Variants in ECSIT observed in about 807,000 individuals in gnomAD.
The protein encoded by ECSIT is ECSIT signaling integrator, also known as evolutionarily conserved signaling intermediate in Toll pathway, mitochondrial.
ECSIT carries 29 observed loss-of-function variants against 36.8 expected under a neutral mutation model. That is an observed-to-expected ratio of 0.79 (90% CI 0.59 to 1.08). The LOEUF (loss-of-function observed/expected upper bound fraction) is 1.08, where lower values mean the gene tolerates loss of function less well. ECSIT is among the 50% of genes least tolerant of loss of function. The pLI, the probability that ECSIT is intolerant of heterozygous loss-of-function variation, is 0.00. For missense variants in ECSIT, 542 were observed against 581.0 expected (o/e 0.93, Z 0.69); for synonymous variants, 231 against 234.8 (o/e 0.98, Z 0.15).
At chr19:11,507,140 G>A (rs901290994) in intron 7 of ECSIT, among the ~76,000 whole-genome samples, 7 of 152,160 alleles carry the variant, frequency 4.6e-5, no homozygotes, top group African/African-American at 1.7e-4. Context: ...GAGCCCCTGG[G>A]GCAAATGAGT....
Position 11,519,252 on chromosome 19 carries a change from G to C in ECSIT, c.-23-59C>G. On this transcript the variant is annotated intron_variant, in intron 1 of 7. Coordinates refer to ENST00000270517, the MANE Select transcript of ECSIT (RefSeq NM_016581.5). The surrounding 1 kb of genome is among the most constrained non-coding windows in gnomAD (Gnocchi z 4.4). ...ACCTTACAGATGCTAACAGACGCAA[G>C]GGCCCCGCAGGGTCGAGGGCACACT... 1 of 1,155,386 alleles carries C rather than the reference G, an allele frequency of 8.7e-7. No homozygotes were observed. Among genetic ancestry groups the C allele is most frequent in the Non-Finnish European group, 1.3e-6 (1 of 798,130 alleles). The allele number at this position is 1,155,386 out of a possible 1,614,324, so 71.6% of individuals were successfully genotyped here.
intron 1 of ECSIT, among the ~76,000 whole-genome samples, chr19:11,528,507 AT>A (rs1181244486): frequency 1.3e-5 from 2 of 152,208 alleles, no homozygotes; most frequent in African/African-American, 4.8e-5. Context: ...CCATTAACGC[AT>A]TTTTAGTAAC....
At chr19:11,522,512 AC>A in intron 1 of ECSIT, 1 of 951,066 alleles carries the variant, frequency 1.1e-6, no homozygotes, top group Non-Finnish European at 1.6e-6. Flanking sequence ...TAGGGCCCTC[AC>A]CCAGGTGTGC....
chr19:11,507,595 G>C (rs751883069), intron 6 of ECSIT, 33 bp from the exon 7 acceptor site: 4 of 1,613,652 alleles, frequency 2.5e-6, no homozygotes, highest in Non-Finnish European at 3.4e-6. Context: ...GGCGGGGTCA[G>C]AGGCCAGGGC....
At chr19:11,510,940 C>T (rs563889788) in intron 4 of ECSIT, among the ~76,000 whole-genome samples, 1 of 152,010 alleles carries the variant, frequency 6.6e-6, no homozygotes, top group East Asian at 1.9e-4. Context: ...ATCTCTGCCC[C>T]CCCACCCCCG....
At position 11,505,979 on chromosome 19, in the gene ECSIT, C is replaced by A; in HGVS notation, c.*205G>T. ...CCCTTTTTATTTGAATTCGGAGAAC[C>A]AGAGGCGCCTGCAGATTCTGGAGGG... On this transcript the variant is annotated 3_prime_UTR_variant, in exon 8 of 8. Coordinates refer to ENST00000270517, the MANE Select transcript of ECSIT (RefSeq NM_016581.5). 1 of 983,596 alleles carries A rather than the reference C, an allele frequency of 1.0e-6. No individual in the cohort carries two copies. Among genetic ancestry groups the A allele is most frequent in the Non-Finnish European group, 1.5e-6 (1 of 680,372 alleles). The allele number at this position is 983,596 out of a possible 1,614,324, so 60.9% of individuals were successfully genotyped here.
At chr19:11,512,035 A>G (rs570643014) in intron 4 of ECSIT, among the ~76,000 whole-genome samples, 1 of 150,120 alleles carries the variant, frequency 6.7e-6, no homozygotes, top group East Asian at 1.9e-4. Flanking sequence ...CATCTCAAAA[A>G]AAAAACAAAC....
intron 3 of ECSIT, 89 bp from the exon 4 acceptor site, chr19:11,513,368 T>C (rs1381253523): frequency 1.6e-5 from 16 of 1,022,412 alleles, no homozygotes; most frequent in East Asian, 4.9e-5. Flanking sequence ...AGTGAGGGAA[T>C]TGATCACAGA....
intron 1 of ECSIT, among the ~76,000 whole-genome samples, chr19:11,523,133 C>A (rs1464543455): frequency 7.9e-5 from 12 of 152,118 alleles, no homozygotes. Flanking sequence ...GCCTCTGCCA[C>A]CCCTAAGACA....
chr19:11,527,382 T>C (rs149851355), intron 1 of ECSIT, among the ~76,000 whole-genome samples: 243 of 152,098 alleles, frequency 1.6e-3, no homozygotes, highest in African/African-American at 5.6e-3. Context: ...TAACGGCATA[T>C]CACACTTAAA....
In ECSIT at chr19:11,521,708, A is replaced by C. The variant is rs1164448486; in HGVS notation, c.-23-2515T>G. ...GGAGAATCACTTGAACCCAGGAGGCAGAAGCTGCAGTGAGCCAAGATCGTG... is the reference window on the plus strand; with the variant it reads ...GGAGAATCACTTGAACCCAGGAGGCCGAAGCTGCAGTGAGCCAAGATCGTG... On this transcript the variant is annotated intron_variant, in intron 1 of 7. Transcript: ENST00000270517. 3.3e-5 allele frequency among the ~76,000 whole-genome samples: 5 copies of C among 152,162 alleles called. No homozygotes were observed. In the East Asian group the frequency reaches 9.6e-4, roughly 29 times the overall value.
Position 11,505,929 on chromosome 19 carries a change from T to TGCGCACAACCAA in ECSIT, c.*243_*254dup. On this transcript the variant is annotated 3_prime_UTR_variant, in exon 8 of 8. Transcript: ENST00000270517. ...GGAGACCAAGAATGGAAACTGCGCA[T>TGCGCACAACCAA]GCGCACAACCAACAGCGCTCCCGCC... 1 of 895,384 alleles carries TGCGCACAACCAA rather than the reference T, an allele frequency of 1.1e-6. No individual in the cohort carries two copies. The highest frequency in any genetic ancestry group is 1.6e-6 in the Non-Finnish European group (1 of 625,274). 55.5% of individuals were successfully genotyped at this position (895,384 alleles called of 1,614,324 possible).
intron 2 of ECSIT, 113 bp downstream of exon 2, chr19:11,518,962 T>C: frequency 1.2e-6 from 1 of 865,912 alleles, no homozygotes; most frequent in African/African-American, 1.7e-5. Context: ...TCGGCACTGA[T>C]AGGCCAGCCC....
chr19:11,519,008 G>A lies in ECSIT; in HGVS notation c.96+67C>T. ...GAACTGGCTTCACAGAGTGGATTCT[G>A]AAGGAGTTGGGAGCAAATCCCAAGC... On this transcript the variant is annotated intron_variant, in intron 2 of 7. Coordinates refer to ENST00000270517, the MANE Select transcript of ECSIT (RefSeq NM_016581.5). The surrounding 1 kb of genome is among the most constrained non-coding windows in gnomAD (Gnocchi z 4.4). The A allele has an allele frequency of 7.4e-7, 1 of 1,355,094 alleles. No homozygotes were observed. Among genetic ancestry groups the A allele is most frequent in the Admixed American group, 2.0e-5 (1 of 50,766 alleles). The allele number at this position is 1,355,094 out of a possible 1,614,324, so 83.9% of individuals were successfully genotyped here. A position where few individuals can be genotyped will look rare whatever the true frequency, so the allele number is the denominator to read the frequency against.
intron 4 of ECSIT, among the ~76,000 whole-genome samples, chr19:11,509,707 G>A (rs1225590550): frequency 6.6e-6 from 1 of 151,544 alleles, no homozygotes; most frequent in African/African-American, 2.4e-5. Flanking sequence ...GGAGGAGGTT[G>A]TAGTGAGCCG....
chr19:11,508,367 A>G (rs1971800425), intron 4 of ECSIT, among the ~76,000 whole-genome samples: 1 of 137,864 alleles, frequency 7.3e-6, no homozygotes, highest in Admixed American at 7.2e-5. Flanking sequence ...AGGGATGATA[A>G]CAGCACTTAA....
chr19:11,508,639 G>A (rs1232086771), intron 4 of ECSIT, among the ~76,000 whole-genome samples: 6 of 151,818 alleles, frequency 4.0e-5, no homozygotes, highest in South Asian at 4.2e-4. Flanking sequence ...TATAGCCTCC[G>A]CCTCCTGGGT....
rs1005876536 is a variant in ECSIT, at chr19:11,505,956, C to T, written c.*228G>A. The T allele has an allele frequency of 3.2e-6, 3 of 933,342 alleles. No individual in the cohort carries two copies. Among genetic ancestry groups the T allele is most frequent in the South Asian group, 1.8e-5 (1 of 56,014 alleles). 57.8% of individuals were successfully genotyped at this position (933,342 alleles called of 1,614,324 possible). On this transcript the variant is annotated 3_prime_UTR_variant, in exon 8 of 8. Coordinates refer to ENST00000270517, the MANE Select transcript of ECSIT (RefSeq NM_016581.5). ...CGCACAACCAACAGCGCTCCCGCCC[C>T]TTTTTATTTGAATTCGGAGAACCAG...
At chr19:11,508,669 C>T (rs1361055069) in intron 4 of ECSIT, among the ~76,000 whole-genome samples, 3 of 152,110 alleles carry the variant, frequency 2.0e-5, no homozygotes, top group African/African-American at 4.8e-5. Context: ...TCTCCTGCGT[C>T]GGCCTCCCAA....
Sources: gnomAD v4.1 joint callset for allele counts (sites outside exome capture counted in the v4.1 genomes callset) on GRCh38, gnomAD v4.1.1 for gene constraint, Gnocchi (gnomAD v3.1) non-coding constraint, MANE v1.5 for transcripts, NCBI Gene and HGNC (gene_info 2026-07-23, HGNC 2026-07-21) for gene names.